Variants in UGT1A10 observed in about 807,000 individuals in gnomAD.
UGT1A10 encodes the protein UDP-glucuronosyltransferase 1A10.
A neutral mutation model predicts 45.8 loss-of-function variants in UGT1A10; 49 were observed. That is an observed-to-expected ratio of 1.07 (90% CI 0.85 to 1.36). UGT1A10 has a LOEUF of 1.36. Among genes scored for constraint, UGT1A10 ranks in the 40% most tolerant of loss-of-function variants. The pLI is 0.00. For synonymous variants in UGT1A10, 284 were observed against 249.7 expected (o/e 1.14, Z -1.29); for missense variants, 745 against 668.6 (o/e 1.11, Z -1.26).
intron 1 of UGT1A10, chr2:233,712,849 T>C: frequency 3.9e-6 from 6 of 1,533,168 alleles, no homozygotes; most frequent in Non-Finnish European, 5.3e-6. Flanking sequence ...TAACGGGTAA[T>C]AAGTAACTGG....
At chr2:233,661,298 C>A (rs1248308824) in intron 1 of UGT1A10, among the ~76,000 whole-genome samples, 1 of 152,030 alleles carries the variant, frequency 6.6e-6, no homozygotes, top group Non-Finnish European at 1.5e-5. Flanking sequence ...GAACTTATTT[C>A]TCTGTGTGGG....
intron 1 of UGT1A10, among the ~76,000 whole-genome samples, chr2:233,766,201 G>T (rs544565545): frequency 2.4e-4 from 37 of 152,254 alleles, no homozygotes; most frequent in Admixed American, 4.6e-4. Flanking sequence ...CTCAGCAGAT[G>T]GGGGAAGCCA....
intron 1 of UGT1A10, among the ~76,000 whole-genome samples, chr2:233,685,008 C>T (rs982107066): frequency 2.0e-5 from 3 of 152,050 alleles, no homozygotes; most frequent in African/African-American, 7.2e-5. Flanking sequence ...GGTGTTTGTG[C>T]ACGTATGTGT....
intron 1 of UGT1A10, among the ~76,000 whole-genome samples, chr2:233,732,755 G>GTTTTT (rs956485327): frequency 8.3e-6 from 1 of 120,224 alleles, no homozygotes; most frequent in African/African-American, 3.0e-5. Flanking sequence ...CACCAGCTTT[G>GTTTTT]TTTTTTTTTT....
intron 1 of UGT1A10, among the ~76,000 whole-genome samples, chr2:233,680,344 G>A (rs1559338284): frequency 6.6e-6 from 1 of 152,148 alleles, no homozygotes; most frequent in Non-Finnish European, 1.5e-5. Context: ...GGGTATAAAC[G>A]TCATATCACA....
At chr2:233,737,493 C>T (rs2078886571) in intron 1 of UGT1A10, among the ~76,000 whole-genome samples, 1 of 152,188 alleles carries the variant, frequency 6.6e-6, no homozygotes, top group Admixed American at 6.5e-5. Flanking sequence ...AAGGGAAATC[C>T]CTCACCCTCT....
chr2:233,711,834 C>T (rs1439514867), intron 1 of UGT1A10, among the ~76,000 whole-genome samples: 7 of 152,150 alleles, frequency 4.6e-5, no homozygotes, highest in African/African-American at 1.2e-4. Context: ...GACAAGGAGG[C>T]GTCAGCAATC....
chr2:233,717,845 T>C, intron 1 of UGT1A10: 1 of 455,144 alleles, frequency 2.2e-6, no homozygotes, highest in Non-Finnish European at 4.4e-6. Context: ...ACCATTCTTA[T>C]CAGAACTTGG....
intron 1 of UGT1A10, among the ~76,000 whole-genome samples, chr2:233,736,005 G>A (rs1194834652): frequency 1.3e-5 from 2 of 152,028 alleles, no homozygotes; most frequent in African/African-American, 4.8e-5. Flanking sequence ...TGTTCTTCTC[G>A]AGGAGTATCT....
At chr2:233,755,437 G>A (rs558010225) in intron 1 of UGT1A10, 20 of 316,674 alleles carry the variant, frequency 6.3e-5, no homozygotes, top group East Asian at 5.9e-4. Flanking sequence ...ATCCCAAGAT[G>A]CAGTGCTCCT....
intron 1 of UGT1A10, chr2:233,729,033 A>G: frequency 1.9e-6 from 3 of 1,602,256 alleles, no homozygotes; most frequent in Admixed American, 3.4e-5. Context: ...TTGATTTGCT[A>G]AGTGGCTCAG....
intron 1 of UGT1A10, among the ~76,000 whole-genome samples, chr2:233,752,978 A>C (rs961719654): frequency 2.0e-5 from 3 of 152,180 alleles, no homozygotes; most frequent in Admixed American, 6.5e-5. Context: ...AATTGTGTAG[A>C]TACAAACCCA....
At chr2:233,715,316 T>C (rs2076444924) in intron 1 of UGT1A10, among the ~76,000 whole-genome samples, 1 of 152,236 alleles carries the variant, frequency 6.6e-6, no homozygotes, top group Non-Finnish European at 1.5e-5. Flanking sequence ...TTTTGCTTTA[T>C]ACATAGTGAT....
chr2:233,766,304 C>T (rs1472747158), intron 1 of UGT1A10, among the ~76,000 whole-genome samples: 4 of 151,950 alleles, frequency 2.6e-5, no homozygotes, highest in Non-Finnish European at 4.4e-5. Context: ...GGCTCTCCTC[C>T]GACTGCCTCA....
Position 233,750,543 on chromosome 2 carries a change from C to T in UGT1A10, c.856-16491C>T, listed in dbSNP as rs1193971718. On this transcript the variant is annotated intron_variant, in intron 1 of 4. Transcript: ENST00000344644. ...CAATGGGGAAAATGGCTTCAGTGCACATCAGAGACCTTTGCAGCAGACCCT... is the reference window on the plus strand; with the variant it reads ...CAATGGGGAAAATGGCTTCAGTGCATATCAGAGACCTTTGCAGCAGACCCT... 4 of 151,966 alleles carry T rather than the reference C, an allele frequency of 2.6e-5. 1 individual carries two copies. The highest frequency in any genetic ancestry group is 9.7e-5 in the African/African-American group (4 of 41,180). The allele number at this position is 151,966 out of a possible 1,614,324, so 9.4% of individuals were successfully genotyped here. A position where few individuals can be genotyped will look rare whatever the true frequency, so the allele number is the denominator to read the frequency against.
At chr2:233,685,023 A>G (rs937971541) in intron 1 of UGT1A10, among the ~76,000 whole-genome samples, 2 of 152,104 alleles carry the variant, frequency 1.3e-5, no homozygotes, top group Non-Finnish European at 2.9e-5. Flanking sequence ...ATGTGTCTGT[A>G]TGTGCAGGTG....
chr2:233,672,688 T>C (rs779786786), intron 1 of UGT1A10: 16 of 1,613,944 alleles, frequency 9.9e-6, no homozygotes, highest in Non-Finnish European at 1.4e-5. Flanking sequence ...ATCAATTTGG[T>C]TGTTGCGAAC....
At chr2:233,654,419 A>G (rs114346341) in intron 1 of UGT1A10, among the ~76,000 whole-genome samples, 2,731 of 152,336 alleles carry the variant, frequency 0.018, 38 homozygotes, top group Non-Finnish European at 0.027. Flanking sequence ...CATAACCTGT[A>G]CTAATCGTAG....
chr2:233,651,566 G>C (rs1335372908), intron 1 of UGT1A10, among the ~76,000 whole-genome samples: 3 of 152,182 alleles, frequency 2.0e-5, no homozygotes, highest in Admixed American at 6.5e-5. Flanking sequence ...AGATATCAAA[G>C]AGTGCCCTTT....
Sources: allele counts gnomAD v4.1 joint callset (sites outside exome capture counted in the v4.1 genomes callset), GRCh38; gene constraint gnomAD v4.1.1; transcripts MANE v1.5; gene names NCBI Gene and HGNC (gene_info 2026-07-23, HGNC 2026-07-21).